The following NRXN1 variants were observed in gnomAD, a reference collection of about 807,000 sequenced individuals.
The protein encoded by NRXN1 is neurexin-1.
Under a neutral mutation model 150.9 loss-of-function variants are expected in NRXN1, and 39 were observed. The ratio of observed to expected loss-of-function variants is 0.26; its 90% CI spans 0.20 to 0.34. The LOEUF is 0.34. Among genes scored for constraint, NRXN1 ranks in the 10% least tolerant of loss-of-function variants. NRXN1 has a pLI of 1.00. For missense variants in NRXN1, 1,815 were observed against 1,949.9 expected, an observed-to-expected ratio of 0.93 and a Z score of 1.30; for synonymous variants, 924 against 757.0, an observed-to-expected ratio of 1.22 and a Z score of -3.62.
intron 21 of NRXN1, among the ~76,000 whole-genome samples, chr2:49,982,732 C>A (rs1484322170): frequency 1.3e-5 from 2 of 151,812 alleles, no homozygotes; most frequent in African/African-American, 4.8e-5. Context: ...ATGTACATAC[C>A]TATTCTGTGT....
At chr2:50,586,941 C>A (rs970124176) in intron 8 of NRXN1, among the ~76,000 whole-genome samples, 4 of 152,208 alleles carry the variant, frequency 2.6e-5, no homozygotes, top group East Asian at 1.9e-4. Context: ...ATTATATTTG[C>A]CATTGGTGTC....
chr2:49,948,409 A>T (rs963866235), intron 21 of NRXN1, among the ~76,000 whole-genome samples: 1 of 151,902 alleles, frequency 6.6e-6, no homozygotes, highest in Non-Finnish European at 1.5e-5. Flanking sequence ...TACAAATGCG[A>T]CCCTTTTGTA....
At chr2:50,082,708 T>C (rs1698144314) in intron 19 of NRXN1, among the ~76,000 whole-genome samples, 1 of 152,210 alleles carries the variant, frequency 6.6e-6, no homozygotes, top group Non-Finnish European at 1.5e-5. Flanking sequence ...AGGAAACTCA[T>C]GAGTTGCTAT....
intron 2 of NRXN1, among the ~76,000 whole-genome samples, chr2:51,008,828 G>C (rs925026125): frequency 4.6e-5 from 7 of 151,248 alleles, no homozygotes; most frequent in Non-Finnish European, 1.0e-4. Context: ...ATTTTTTATA[G>C]ACTGCTTTTA....
chr2:50,682,326 A>G (rs1310684279), intron 5 of NRXN1, among the ~76,000 whole-genome samples: 2 of 152,172 alleles, frequency 1.3e-5, no homozygotes, highest in Admixed American at 6.5e-5. Flanking sequence ...GCCCATTTAC[A>G]TAACCAAGCC....
intron 2 of NRXN1, among the ~76,000 whole-genome samples, chr2:50,969,866 C>T (rs770574846): frequency 2.0e-5 from 3 of 152,042 alleles, no homozygotes; most frequent in African/African-American, 4.8e-5. Flanking sequence ...TGGGAGCCTT[C>T]GGAATGAAGA....
At chr2:50,538,702 C>T (rs1325561921) in intron 9 of NRXN1, 66 bp from the exon 10 acceptor site, 1 of 1,306,994 alleles carries the variant, frequency 7.7e-7, no homozygotes, top group African/African-American at 1.5e-5. Flanking sequence ...TTATCTTTCT[C>T]TCTTTCGTCT....
chr2:50,302,672 C>CT (rs1382568558), intron 17 of NRXN1, among the ~76,000 whole-genome samples: 6 of 152,106 alleles, frequency 3.9e-5, no homozygotes, highest in African/African-American at 1.2e-4. Context: ...CAAATTAATA[C>CT]TTTGTTTCTG....
intron 18 of NRXN1, among the ~76,000 whole-genome samples, chr2:50,209,825 A>G (rs1483654739): frequency 2.9e-5 from 3 of 105,196 alleles, no homozygotes; most frequent in African/African-American, 7.9e-5. Flanking sequence ...GAGAAATGTC[A>G]TAGATTTAAA....
At chr2:50,273,257 A>G (rs1208181829) in intron 17 of NRXN1, among the ~76,000 whole-genome samples, 1 of 152,186 alleles carries the variant, frequency 6.6e-6, no homozygotes, top group Non-Finnish European at 1.5e-5. Flanking sequence ...TTTCCCCCCA[A>G]TAATTACATT....
chr2:51,020,449 G>A (rs1396864653), intron 2 of NRXN1, among the ~76,000 whole-genome samples: 1 of 151,730 alleles, frequency 6.6e-6, no homozygotes, highest in Non-Finnish European at 1.5e-5. Flanking sequence ...ATACTTCTGG[G>A]CATAAATGAT....
Position 50,657,853 on chromosome 2 carries a change from G to A in NRXN1, c.833-34238C>T, listed in dbSNP as rs796706088. Among the ~76,000 whole-genome samples, 21 of 152,150 alleles carry A rather than the reference G, an allele frequency of 1.4e-4. No individual in the cohort carries two copies. In the South Asian group the frequency reaches 3.9e-3, roughly 29 times the overall value. ...CAACTGAGAAAGAAAGGAAGAGGCT[G>A]TGGTATTTACTGAGGTCCTAAATGG... On this transcript the variant is annotated intron_variant, in intron 5 of 22. Coordinates refer to ENST00000401669, the MANE Select transcript of NRXN1 (RefSeq NM_001330078.2).
intron 5 of NRXN1, among the ~76,000 whole-genome samples, chr2:50,873,185 G>A (rs1187496256): frequency 4.0e-5 from 6 of 151,778 alleles, no homozygotes; most frequent in African/African-American, 1.2e-4. Context: ...TCTAGCCCTT[G>A]AGGCTGTTAT....
chr2:50,348,313 T>C (rs1278661067), intron 17 of NRXN1, among the ~76,000 whole-genome samples: 2 of 152,044 alleles, frequency 1.3e-5, no homozygotes, highest in Admixed American at 1.3e-4. Context: ...AAGGATGCAT[T>C]AATTTGGCAG....
At chr2:50,710,060 T>C (rs1434299538) in intron 5 of NRXN1, among the ~76,000 whole-genome samples, 1 of 152,148 alleles carries the variant, frequency 6.6e-6, no homozygotes, top group African/African-American at 2.4e-5. Context: ...GTGCAATGAA[T>C]AAACAAGATT....
rs544591183 is a variant in NRXN1 at position 50,250,118 on chromosome 2, G to C, written c.3365-13148C>G. Among the ~76,000 whole-genome samples the C allele has an allele frequency of 3.9e-5, 6 of 151,964 alleles. No individual in the cohort carries two copies. In the South Asian group the frequency reaches 1.2e-3, roughly 32 times the overall value. On this transcript the variant is annotated intron_variant, in intron 17 of 22. Transcript: ENST00000401669. ...ATAAATTAACATCAGTTTATTTTTT[G>C]AAATAGTATTGCTAATTGCTTCTCT...
At chr2:50,957,549 T>A (rs958241511) in intron 2 of NRXN1, among the ~76,000 whole-genome samples, 1 of 152,016 alleles carries the variant, frequency 6.6e-6, no homozygotes, top group African/African-American at 2.4e-5. Flanking sequence ...AGCTGACAAA[T>A]CCTTAAAGAA....
chr2:50,888,844 G>C (rs970285988), intron 5 of NRXN1, among the ~76,000 whole-genome samples: 4 of 151,502 alleles, frequency 2.6e-5, no homozygotes, highest in African/African-American at 9.7e-5. Context: ...TTCTATCTCT[G>C]ATTAAGAAAT....
intron 17 of NRXN1, among the ~76,000 whole-genome samples, chr2:50,293,218 C>G (rs116571531): frequency 1.2e-3 from 190 of 152,240 alleles, no homozygotes; most frequent in Non-Finnish European, 2.5e-3. Context: ...TGCTTGACAT[C>G]TGACTGCTCG....
Sources: gnomAD v4.1 joint callset for allele counts (sites outside exome capture counted in the v4.1 genomes callset) on GRCh38, gnomAD v4.1.1 for gene constraint, MANE v1.5 for transcripts, NCBI Gene and HGNC (gene_info 2026-07-23, HGNC 2026-07-21) for gene names.